The following SOX13 variants were observed in gnomAD, a reference collection of about 807,000 sequenced individuals.
SOX13 encodes transcription factor SOX-13.
In SOX13, 28 loss-of-function variants were observed where a neutral mutation model predicts 71.8. The ratio of observed to expected loss-of-function variants is 0.39; its 90% CI spans 0.29 to 0.53. The LOEUF (loss-of-function observed/expected upper bound fraction) is 0.53. Ranked by LOEUF, SOX13 falls within the 20% of genes least tolerant of loss-of-function variation. The pLI is 0.70. For missense variants in SOX13, 627 were observed against 810.3 expected, an observed-to-expected ratio of 0.77 and a Z score of 2.75; for synonymous variants, 309 against 317.8, an observed-to-expected ratio of 0.97 and a Z score of 0.29.
chr1:204,079,713 AG>A (rs1655860940), intron 1 of SOX13, among the ~76,000 whole-genome samples: 1 of 152,112 alleles, frequency 6.6e-6, no homozygotes, highest in African/African-American at 2.4e-5. Context: ...AGTGGGTGGC[AG>A]GGGGTCCTTC....
In SOX13 at chr1:204,117,714, G is replaced by A; in HGVS notation, c.775+7G>A. ...CCCATTCCCTGCAAACCAGGTGAGTGTGAGAAGGGAGGTTCCACCACTGCG... is the reference window on the plus strand; with the variant it reads ...CCCATTCCCTGCAAACCAGGTGAGTATGAGAAGGGAGGTTCCACCACTGCG... On this transcript the variant is annotated splice_region_variant and intron_variant, in intron 7 of 13. Transcript: ENST00000367204. 6.3e-7 allele frequency: 1 copy of A among 1,596,060 alleles called. No homozygotes were observed. Among genetic ancestry groups the A allele is most frequent in the Non-Finnish European group, 8.6e-7 (1 of 1,165,048 alleles).
chr1:204,100,825 G>A (rs1656347168), intron 1 of SOX13, among the ~76,000 whole-genome samples: 1 of 152,198 alleles, frequency 6.6e-6, no homozygotes, highest in African/African-American at 2.4e-5. Flanking sequence ...AGGCATGAGT[G>A]TCATTCCACC....
At chr1:204,094,221 CAG>C (rs1202869454) in intron 1 of SOX13, among the ~76,000 whole-genome samples, 1 of 152,172 alleles carries the variant, frequency 6.6e-6, no homozygotes, top group African/African-American at 2.4e-5. Context: ...CGATGAGACT[CAG>C]AGAACTTAGA....
chr1:204,077,742 T>G (rs1655812322), intron 1 of SOX13, among the ~76,000 whole-genome samples: 1 of 152,200 alleles, frequency 6.6e-6, no homozygotes, highest in Admixed American at 6.5e-5. Flanking sequence ...TTTAATTTCT[T>G]TCTTTATCTT....
At chr1:204,122,812 C>A in intron 9 of SOX13, 42 bp from the exon 10 acceptor site, 1 of 1,283,742 alleles carries the variant, frequency 7.8e-7, no homozygotes, top group Non-Finnish European at 1.1e-6. Flanking sequence ...ATGCCCTCAG[C>A]TTCTCTCGCT....
At chr1:204,111,438 T>G (rs1656578140) in intron 1 of SOX13, among the ~76,000 whole-genome samples, 1 of 152,172 alleles carries the variant, frequency 6.6e-6, no homozygotes, top group African/African-American at 2.4e-5. Flanking sequence ...GATAGGCATC[T>G]GCTGCTCCGC....
intron 1 of SOX13, among the ~76,000 whole-genome samples, chr1:204,095,075 C>A (rs777143940): frequency 6.6e-6 from 1 of 152,134 alleles, no homozygotes; most frequent in African/African-American, 2.4e-5. Flanking sequence ...CCTCTCCAGG[C>A]GGGGAGGGCA....
intron 1 of SOX13, among the ~76,000 whole-genome samples, chr1:204,108,396 T>C (rs940071260): frequency 1.3e-5 from 2 of 152,210 alleles, no homozygotes; most frequent in African/African-American, 4.8e-5. Context: ...TCTTGGGCCG[T>C]GCAGTCCTAG....
rs1655895699 is a variant in SOX13 at position 204,081,025 on chromosome 1, C to T, written c.-2+7314C>T. 2.0e-5 allele frequency among the ~76,000 whole-genome samples: 3 copies of T among 151,712 alleles called. No individual in the cohort carries two copies. Among genetic ancestry groups the T allele is most frequent in the African/African-American group, 7.3e-5 (3 of 41,256 alleles). On this transcript the variant is annotated intron_variant, in intron 1 of 13. Transcript: ENST00000367204. The surrounding 1 kb of genome is among the most constrained non-coding windows in gnomAD (Gnocchi z 4.3). ...CTCCCAGGTTCAAGCAATTCTCCTG[C>T]CTCAGCCTCCTGAGTAGCTGGGATT...
intron 8 of SOX13, 77 bp downstream of exon 8, chr1:204,122,062 G>GGT (rs1656818541): frequency 6.3e-6 from 7 of 1,108,300 alleles, no homozygotes; most frequent in Non-Finnish European, 9.3e-6. Flanking sequence ...GGAACTGCGG[G>GGT]GTGTGGACTG....
At chr1:204,086,537 G>A (rs1656023064) in intron 1 of SOX13, among the ~76,000 whole-genome samples, 2 of 152,066 alleles carry the variant, frequency 1.3e-5, no homozygotes, top group Admixed American at 6.6e-5. Context: ...TCTTGACTTC[G>A]TGATCTGCCC....
At chr1:204,107,064 T>C (rs1223408010) in intron 1 of SOX13, among the ~76,000 whole-genome samples, 1 of 152,228 alleles carries the variant, frequency 6.6e-6, no homozygotes, top group East Asian at 1.9e-4. Flanking sequence ...TACCCAAGTC[T>C]GTCTGACCCT....
intron 1 of SOX13, among the ~76,000 whole-genome samples, chr1:204,093,841 TA>T (rs1471741997): frequency 6.6e-6 from 1 of 152,192 alleles, no homozygotes; most frequent in African/African-American, 2.4e-5. Context: ...GCACTGTCAT[TA>T]TCTTTCTGAT....
chr1:204,091,523 C>G (rs1035287963), intron 1 of SOX13, among the ~76,000 whole-genome samples: 1 of 152,168 alleles, frequency 6.6e-6, no homozygotes, highest in African/African-American at 2.4e-5. Flanking sequence ...GTGAGGGGAT[C>G]AGACCCCACC....
intron 7 of SOX13, among the ~76,000 whole-genome samples, chr1:204,121,086 T>C (rs530117747): frequency 6.6e-6 from 1 of 152,150 alleles, no homozygotes; most frequent in Non-Finnish European, 1.5e-5. Context: ...TTCAAGCGAT[T>C]CTCCTGCCTC....
intron 4 of SOX13, among the ~76,000 whole-genome samples, chr1:204,115,258 T>C (rs1656664924): frequency 6.6e-6 from 1 of 151,826 alleles, no homozygotes. Flanking sequence ...TCCTCCCACC[T>C]TGGCATCTCA....
chr1:204,102,160 G>A (rs540681312), intron 1 of SOX13, among the ~76,000 whole-genome samples: 27 of 152,340 alleles, frequency 1.8e-4, no homozygotes, highest in African/African-American at 6.0e-4. Context: ...AGCAAAAGCC[G>A]ATAATGCCCA....
chr1:204,121,278 C>T (rs1228063027), intron 7 of SOX13, among the ~76,000 whole-genome samples: 2 of 152,124 alleles, frequency 1.3e-5, no homozygotes, highest in Admixed American at 1.3e-4. Flanking sequence ...TAAGCCACCA[C>T]GCCTGGCTTC....
At chr1:204,077,810 CTTGTTTGT>C (rs1048259885) in intron 1 of SOX13, among the ~76,000 whole-genome samples, 1 of 151,870 alleles carries the variant, frequency 6.6e-6, no homozygotes, top group Non-Finnish European at 1.5e-5. Context: ...TGTTTGTTTG[CTTGTTTGT>C]TTGTTTGTTT....
Sources: gnomAD v4.1 joint callset for allele counts (sites outside exome capture counted in the v4.1 genomes callset) on GRCh38, gnomAD v4.1.1 for gene constraint, Gnocchi (gnomAD v3.1) non-coding constraint, MANE v1.5 for transcripts, NCBI Gene and HGNC (gene_info 2026-07-23, HGNC 2026-07-21) for gene names.